Variants in WNK1 observed in about 807,000 individuals in gnomAD.
The protein encoded by WNK1 is serine/threonine-protein kinase WNK1.
In WNK1, 38 loss-of-function variants were observed where a neutral mutation model predicts 222.8. That is an observed-to-expected ratio of 0.17 (90% CI 0.13 to 0.22). The LOEUF (loss-of-function observed/expected upper bound fraction) is 0.22. Ranked by LOEUF, WNK1 falls within the 10% of genes least tolerant of loss-of-function variation. The pLI, the probability that WNK1 is intolerant of heterozygous loss-of-function variation, is 1.00. For missense variants in WNK1, 2,348 were observed against 2,918.4 expected, an observed-to-expected ratio of 0.80 and a Z score of 4.50; for synonymous variants, 1,090 against 1,092.9, an observed-to-expected ratio of 1.00 and a Z score of 0.05.
chr12:754,059 C>T lies in WNK1; in HGVS notation c.494C>T (p.Pro165Leu). ...TVPSSTSKDR[P>L]VSQPSLVGSK... Reference sequence around the variant, plus strand: ...CCCAGCAGTACCAGCAAAGACCGCCCAGTGTCCCAGCCTAGCCTTGTGGGG... The same window carrying T: ...CCCAGCAGTACCAGCAAAGACCGCCTAGTGTCCCAGCCTAGCCTTGTGGGG... Residue 165 changes from proline to leucine, a missense_variant, in exon 1 of 28, where the codon CCA (proline) becomes CTA (leucine). Around this residue, in one of 13 missense-constraint regions of WNK1, gnomAD observed 185 missense variants for 159.2 expected, o/e 1.16. Coordinates refer to ENST00000315939, the MANE Select transcript of WNK1 (RefSeq NM_018979.4). 1.2e-6 allele frequency: 2 copies of T among 1,602,648 alleles called. No individual in the cohort carries two copies. The highest frequency in any genetic ancestry group is 1.7e-6 in the Non-Finnish European group (2 of 1,175,142).
intron 4 of WNK1, among the ~76,000 whole-genome samples, chr12:855,581 T>A (rs916404802): frequency 6.6e-6 from 1 of 152,218 alleles, no homozygotes; most frequent in Admixed American, 6.5e-5. Flanking sequence ...ACACTATAGA[T>A]AATCAGAATT....
At chr12:836,396 G>T (rs1043299977) in intron 4 of WNK1, among the ~76,000 whole-genome samples, 1 of 152,158 alleles carries the variant, frequency 6.6e-6, no homozygotes, top group Non-Finnish European at 1.5e-5. Flanking sequence ...TGAAAAAGTT[G>T]AGAAATATAT....
At chr12:794,352 A>G (rs187598786) in intron 1 of WNK1, among the ~76,000 whole-genome samples, 18 of 152,234 alleles carry the variant, frequency 1.2e-4, no homozygotes, top group Non-Finnish European at 2.4e-4. Flanking sequence ...CAAGGTGACT[A>G]CCATTTTACA....
intron 1 of WNK1, among the ~76,000 whole-genome samples, chr12:791,452 A>G (rs184039370): frequency 6.6e-6 from 1 of 152,228 alleles, no homozygotes; most frequent in Admixed American, 6.5e-5. Flanking sequence ...TTTTTTGTAC[A>G]GTATGGTTCT....
chr12:851,238 C>CT (rs926003040), intron 4 of WNK1, among the ~76,000 whole-genome samples: 1 of 152,124 alleles, frequency 6.6e-6, no homozygotes, highest in African/African-American at 2.4e-5. Flanking sequence ...AACTCAATCC[C>CT]TTTTTTCTTT....
chr12:849,989 C>A (rs1160939664), intron 4 of WNK1, among the ~76,000 whole-genome samples: 1 of 152,184 alleles, frequency 6.6e-6, no homozygotes, highest in East Asian at 1.9e-4. Context: ...TGGATTAGTT[C>A]CAAGTCTTTG....
intron 4 of WNK1, among the ~76,000 whole-genome samples, chr12:842,912 G>T (rs1461123958): frequency 6.6e-6 from 1 of 152,048 alleles, no homozygotes; most frequent in Non-Finnish European, 1.5e-5. Flanking sequence ...ACAGCTAACA[G>T]ACTCAAGTGA....
intron 8 of WNK1, chr12:865,095 T>G (rs1394355102): frequency 3.3e-6 from 5 of 1,497,566 alleles, no homozygotes; most frequent in South Asian, 2.6e-5. Flanking sequence ...ATGTGTGTGT[T>G]TGTTTTGTGT....
At chr12:851,009 T>C (rs946161456) in intron 4 of WNK1, among the ~76,000 whole-genome samples, 2 of 152,184 alleles carry the variant, frequency 1.3e-5, no homozygotes, top group African/African-American at 4.8e-5. Context: ...AAATGTTCTG[T>C]GAAAGAGTAG....
intron 4 of WNK1, among the ~76,000 whole-genome samples, chr12:837,162 A>C (rs559147192): frequency 6.6e-6 from 1 of 152,366 alleles, no homozygotes; most frequent in South Asian, 2.1e-4. Flanking sequence ...ACAGATTTAT[A>C]GATAAGAAAA....
chr12:766,026 A>C (rs899878195), intron 1 of WNK1, among the ~76,000 whole-genome samples: 11 of 152,220 alleles, frequency 7.2e-5, no homozygotes, highest in African/African-American at 2.4e-4. Flanking sequence ...CAGTTTCAGA[A>C]GAAGGGAAAA....
intron 4 of WNK1, among the ~76,000 whole-genome samples, chr12:844,926 C>T (rs1474214745): frequency 1.6e-5 from 2 of 121,426 alleles, no homozygotes; most frequent in African/African-American, 3.1e-5. Context: ...GACGGAGTCT[C>T]GCTCTGTCAC....
chr12:895,887 T>G (rs1311313664), intron 23 of WNK1, among the ~76,000 whole-genome samples, 184 bp from the exon 24 acceptor site: 1 of 152,212 alleles, frequency 6.6e-6, no homozygotes, highest in African/African-American at 2.4e-5. Flanking sequence ...TCAGTACCCA[T>G]GTGTTCTCTA....
intron 11 of WNK1, 95 bp downstream of exon 11, chr12:880,126 T>A: frequency 8.2e-7 from 1 of 1,216,602 alleles, no homozygotes; most frequent in Non-Finnish European, 1.2e-6. Context: ...TCAGAATAAC[T>A]AGCAATAACA....
chr12:872,004 C>T lies in WNK1; in HGVS notation c.2223+656C>T, dbSNP rs146292041. Among the ~76,000 whole-genome samples the T allele has an allele frequency of 7.9e-5, 12 of 152,320 alleles. No individual in the cohort carries two copies. The East Asian group carries it at 2.3e-3, about 29-fold the overall frequency. Reference sequence around the variant, plus strand: ...TTTGTCATTACCTTCATTGTGCTTGCCTCTACTAATCCTGCACTTCTTTTT... The same window carrying T: ...TTTGTCATTACCTTCATTGTGCTTGTCTCTACTAATCCTGCACTTCTTTTT... On this transcript the variant is annotated intron_variant, in intron 9 of 27. Coordinates refer to ENST00000315939, the MANE Select transcript of WNK1 (RefSeq NM_018979.4).
At chr12:801,423 TTGTGTGTG>T (rs367875366) in intron 1 of WNK1, among the ~76,000 whole-genome samples, 4,120 of 143,958 alleles carry the variant, frequency 0.029, 68 homozygotes, top group Middle Eastern at 0.059. Context: ...CTTTTTTTCT[TTGTGTGTG>T]TGTGTGTGTG....
Position 754,007 on chromosome 12 carries a change from G to A in WNK1, c.442G>A (p.Val148Ile). The A allele has an allele frequency of 6.3e-7, 1 of 1,587,286 alleles. No individual in the cohort carries two copies. The highest frequency in any genetic ancestry group is 8.6e-7 in the Non-Finnish European group (1 of 1,167,312). Residue 148 changes from valine (V) to isoleucine (I), a missense_variant, in exon 1 of 28, where the codon GTC becomes ATC. By Grantham distance (29) the Val-to-Ile change is conservative (BLOSUM62 3). This residue lies in a region of WNK1 where 185 missense variants were observed against 159.2 expected (regional missense o/e 1.16). Coordinates refer to ENST00000315939, the MANE Select transcript of WNK1 (RefSeq NM_018979.4). Reference protein sequence around the residue: ...PAAAAPGEQAVAGPAPSTVPS... With the variant: ...PAAAAPGEQAIAGPAPSTVPS... Reference sequence around the variant, plus strand: ...CGCTGCCGCCCCTGGGGAACAGGCCGTCGCGGGCCCTGCCCCCTCGACTGT... The same window carrying A: ...CGCTGCCGCCCCTGGGGAACAGGCCATCGCGGGCCCTGCCCCCTCGACTGT...
chr12:869,013 C>T, intron 8 of WNK1: 1 of 1,610,846 alleles, frequency 6.2e-7, no homozygotes, highest in Non-Finnish European at 8.5e-7. Flanking sequence ...TTACAAGAAT[C>T]CCCACTTTTC....
chr12:813,622 G>T lies in WNK1; in HGVS notation c.760-20G>T. On this transcript the variant is annotated intron_variant, in intron 1 of 27. Transcript: ENST00000315939. ...GTTTTATCATTTTAAACCACATTCT[G>T]TTTTGGTTTTTGATTTTAGGATCGA... is the stretch of plus-strand genomic sequence containing the variant. The T allele has an allele frequency of 6.2e-7, 1 of 1,611,568 alleles. No individual in the cohort carries two copies. Among genetic ancestry groups the T allele is most frequent in the Non-Finnish European group, 8.5e-7 (1 of 1,179,146 alleles).
Sources: allele counts gnomAD v4.1 joint callset (sites outside exome capture counted in the v4.1 genomes callset), GRCh38; gene constraint gnomAD v4.1.1; regional missense constraint gnomAD v4.1.1; transcripts MANE v1.5; gene names NCBI Gene and HGNC (gene_info 2026-07-23, HGNC 2026-07-21).